Variants in CELF2 observed in about 807,000 individuals in gnomAD.
CELF2 encodes the protein CUGBP Elav-like family member 2, also known as CUG triplet repeat RNA-binding protein 2.
In CELF2, 8 loss-of-function variants were observed where a neutral mutation model predicts 62.6. The ratio of observed to expected loss-of-function variants is 0.13; its 90% CI spans 0.07 to 0.23. The LOEUF is 0.23. CELF2 is among the 10% of genes least tolerant of loss of function. The pLI is 1.00. For synonymous variants in CELF2, 258 were observed against 250.0 expected, an observed-to-expected ratio of 1.03 and a Z score of -0.30; for missense variants, 333 against 671.0, an observed-to-expected ratio of 0.50 and a Z score of 5.56.
chr10:10,907,599 A>G lies in CELF2; in HGVS notation c.54-12365A>G, dbSNP rs78607486. On this transcript the variant is annotated intron_variant, in intron 1 of 13. Transcript: ENST00000636488. ...TCATTTTATGAATATTCTGTTATCTATAATTTAGCTCTTTTACTGTTGATT... is the reference window on the plus strand; with the variant it reads ...TCATTTTATGAATATTCTGTTATCTGTAATTTAGCTCTTTTACTGTTGATT... Among the ~76,000 whole-genome samples the G allele has an allele frequency of 2.1e-3, 321 of 152,058 alleles. 1 individual carries two copies. Among genetic ancestry groups the G allele is most frequent in the African/African-American group, 6.6e-3 (275 of 41,452 alleles).
chr10:11,275,024 G>GCTCTCACCA lies in CELF2; in HGVS notation c.778-33_778-32insCTCTCACCA, dbSNP rs765850485. The GCTCTCACCA allele has an allele frequency of 5.6e-5, 90 of 1,607,088 alleles. No individual in the cohort carries two copies. In the African/African-American group the frequency reaches 7.9e-4, roughly 14 times the overall value. ...ATGAGGGAGTTACTTTGCTCTCACC[G>GCTCTCACCA]TCTCCACTTTGCCCTTGTGTGTTCA... On this transcript the variant is annotated intron_variant, in intron 7 of 12. Transcript: ENST00000633077.
intron 1 of CELF2, among the ~76,000 whole-genome samples, chr10:11,131,898 T>C (rs927323868): frequency 2.6e-5 from 4 of 152,124 alleles, no homozygotes; most frequent in Non-Finnish European, 5.9e-5. Context: ...AATCAAAGAG[T>C]TGAGTTTCTG....
rs978659985 is a variant in CELF2, at chr10:10,898,330, G to A, written c.54-21634G>A. On this transcript the variant is annotated intron_variant, in intron 1 of 13. Transcript: ENST00000636488. ...TGCTCTTCAGAGGGAGCATGCATAG[G>A]CCAATACCTTGATTTTGGACTTCTG... Among the ~76,000 whole-genome samples, 5 of 152,172 alleles carry A rather than the reference G, an allele frequency of 3.3e-5. No homozygotes were observed. In the East Asian group the frequency reaches 5.8e-4, roughly 18 times the overall value.
Position 11,214,564 on chromosome 10 carries a change from C to A in CELF2, c.272-2861C>A, listed in dbSNP as rs139263420. ...AGCTACGCCCACCTGGAGATGGGAT[C>A]CCCTCTTGGAATCGGCACAAAGGCT... On this transcript the variant is annotated intron_variant, in intron 2 of 12. Coordinates refer to ENST00000633077, the MANE Select transcript of CELF2 (RefSeq NM_001326342.2). The surrounding 1 kb of genome is among the most constrained non-coding windows in gnomAD (Gnocchi z 4.2). Among the ~76,000 whole-genome samples, 1,244 of 152,322 alleles carry A rather than the reference C, an allele frequency of 8.2e-3. 11 individuals carry two copies. The highest frequency in any genetic ancestry group is 7.5e-3 in the Non-Finnish European group (508 of 68,034).
chr10:11,171,738 A>G (rs1481519425), intron 2 of CELF2, among the ~76,000 whole-genome samples: 1 of 152,228 alleles, frequency 6.6e-6, no homozygotes, highest in East Asian at 1.9e-4. Context: ...TGCAGTAGAA[A>G]TAATACCCAC....
intron 2 of CELF2, among the ~76,000 whole-genome samples, chr10:11,186,815 C>A (rs2075070144): frequency 6.6e-6 from 1 of 152,132 alleles, no homozygotes; most frequent in African/African-American, 2.4e-5. Flanking sequence ...CGGGCCCAGG[C>A]ATTTTGGATA....
chr10:11,197,051 A>AGAG lies in CELF2; in HGVS notation c.272-20374_272-20373insGAG, dbSNP rs1565232872. Among the ~76,000 whole-genome samples the AGAG allele has an allele frequency of 1.5e-4, 10 of 67,114 alleles. 1 individual carries two copies. The highest frequency in any genetic ancestry group is 3.1e-4 in the Non-Finnish European group (9 of 28,714). The allele number at this position is 67,114 out of a possible 152,430, so 44.0% of individuals were successfully genotyped here. On this transcript the variant is annotated intron_variant, in intron 2 of 12. Coordinates refer to ENST00000633077, the MANE Select transcript of CELF2 (RefSeq NM_001326342.2). ...AAAGAAAGAAAGAAAGAAAGAAAGA[A>AGAG]AGAAAGAAAAGAAAGAAAGGAAAGA...
At chr10:11,090,539 C>T (rs2048033195) in intron 1 of CELF2, among the ~76,000 whole-genome samples, 1 of 152,044 alleles carries the variant, frequency 6.6e-6, no homozygotes, top group South Asian at 2.1e-4. Flanking sequence ...CTTGAGAGGA[C>T]ATTGAAAGAT....
the CELF2 span, among the ~76,000 whole-genome samples, chr10:10,731,060 T>A: frequency 2.0e-5 from 3 of 152,182 alleles, no homozygotes; most frequent in African/African-American, 7.2e-5. Flanking sequence ...CCACATGGTA[T>A]ACCCAATAAT....
At chr10:11,299,701 C>T (rs773729118) in intron 9 of CELF2, among the ~76,000 whole-genome samples, 6 of 152,088 alleles carry the variant, frequency 3.9e-5, no homozygotes, top group Non-Finnish European at 8.8e-5. Context: ...GAAATGACAG[C>T]GCCACCGCAC....
chr10:11,153,824 G>A (rs758236809), intron 1 of CELF2, among the ~76,000 whole-genome samples: 22 of 152,184 alleles, frequency 1.4e-4, no homozygotes, highest in Non-Finnish European at 1.8e-4. Context: ...GGTAGGGGGA[G>A]CATCCGCAGA....
chr10:10,538,076 C>T, the CELF2 span, among the ~76,000 whole-genome samples: 87 of 152,220 alleles, frequency 5.7e-4, no homozygotes, highest in African/African-American at 2.0e-3. Context: ...AGTGCAGCAG[C>T]CACTGTCACC....
the CELF2 span, among the ~76,000 whole-genome samples, chr10:10,694,695 C>T: frequency 6.6e-6 from 1 of 151,526 alleles, no homozygotes; most frequent in Admixed American, 6.6e-5. Flanking sequence ...TCTGGGTGCT[C>T]CTGTATTGGG....
chr10:10,637,209 G>A, the CELF2 span, among the ~76,000 whole-genome samples: 4 of 152,172 alleles, frequency 2.6e-5, no homozygotes, highest in East Asian at 1.9e-4. Context: ...AGTAAAATCC[G>A]CAAAAATTTT....
the CELF2 span, among the ~76,000 whole-genome samples, chr10:10,660,031 C>T: frequency 6.6e-6 from 1 of 152,118 alleles, no homozygotes; most frequent in African/African-American, 2.4e-5. Context: ...ATGCTGCTGG[C>T]TTTGAAGATA....
rs948753355 is a variant in CELF2, at chr10:11,159,053, T to C, written c.75-6433T>C. Among the ~76,000 whole-genome samples the C allele has an allele frequency of 2.0e-5, 3 of 152,220 alleles. No individual in the cohort carries two copies. Among genetic ancestry groups the C allele is most frequent in the African/African-American group, 4.8e-5 (2 of 41,468 alleles). ...TTAGAGAAGGGCTTTGACTTTGTAA[T>C]GTTTAGGGTATTTGCTCTGGTCAAT... is the stretch of plus-strand genomic sequence containing the variant. On this transcript the variant is annotated intron_variant, in intron 1 of 12. Coordinates refer to ENST00000633077, the MANE Select transcript of CELF2 (RefSeq NM_001326342.2). The surrounding 1 kb of genome is among the most constrained non-coding windows in gnomAD (Gnocchi z 5.0).
intron 2 of CELF2, among the ~76,000 whole-genome samples, chr10:10,939,015 T>G (rs966698512): frequency 2.0e-5 from 3 of 152,154 alleles, no homozygotes; most frequent in Non-Finnish European, 4.4e-5. Flanking sequence ...TGGGGAGGGA[T>G]CTGCAGACGA....
intron 5 of CELF2, among the ~76,000 whole-genome samples, chr10:11,263,052 A>G (rs1274590082): frequency 6.9e-6 from 1 of 144,618 alleles, no homozygotes; most frequent in Admixed American, 7.7e-5. Context: ...TATCCTTTCA[A>G]TTGAAATGAC....
chr10:11,240,916 C>T (rs2136897069), intron 3 of CELF2, among the ~76,000 whole-genome samples: 1 of 152,210 alleles, frequency 6.6e-6, no homozygotes, highest in African/African-American at 2.4e-5. Context: ...AGGCCTCAGG[C>T]TTGTGCTCCC....
Sources: allele counts gnomAD v4.1 joint callset (sites outside exome capture counted in the v4.1 genomes callset), GRCh38; gene constraint gnomAD v4.1.1; non-coding constraint Gnocchi (gnomAD v3.1); transcripts MANE v1.5; gene names NCBI Gene and HGNC (gene_info 2026-07-23, HGNC 2026-07-21).